The following RASSF3 variants were observed in gnomAD, a reference collection of about 807,000 sequenced individuals.
The protein encoded by RASSF3 is Ras association domain family member 3, also known as ras association domain-containing protein 3.
Under a neutral mutation model 19.9 loss-of-function variants are expected in RASSF3, and 19 were observed. The observed-to-expected ratio is 0.96, with a 90% confidence interval of 0.67 to 1.40. The LOEUF (loss-of-function observed/expected upper bound fraction) is 1.40, where lower values mean the gene tolerates loss of function less well. Among genes scored for constraint, RASSF3 ranks in the 40% most tolerant of loss-of-function variants. The probability of loss-of-function intolerance (pLI) is 0.00; values close to 1 mark genes in which losing one functional copy is unlikely to be tolerated. For missense variants in RASSF3, 306 were observed against 289.8 expected, an observed-to-expected ratio of 1.06 and a Z score of -0.41; for synonymous variants, 110 against 104.2, an observed-to-expected ratio of 1.06 and a Z score of -0.34.
At chr12:64,555,672 C>G (rs1423361114) in intron 2 of RASSF3, among the ~76,000 whole-genome samples, 1 of 151,878 alleles carries the variant, frequency 6.6e-6, no homozygotes. Context: ...TGGTGTAAAG[C>G]CAGGAGGCGG....
chr12:64,583,665 T>A (rs1381457363), intron 2 of RASSF3, among the ~76,000 whole-genome samples: 2 of 152,124 alleles, frequency 1.3e-5, no homozygotes, highest in Non-Finnish European at 2.9e-5. Context: ...GTCATCCACA[T>A]GATTTTTGCT....
At chr12:64,693,720 A>C (rs568901494) in intron 4 of RASSF3, among the ~76,000 whole-genome samples, 1 of 152,354 alleles carries the variant, frequency 6.6e-6, no homozygotes, top group African/African-American at 2.4e-5. Flanking sequence ...GGCATGAGCC[A>C]CAATGCCCAG....
chr12:64,688,220 C>G lies in RASSF3; in HGVS notation c.224C>G (p.Ser75Ter), dbSNP rs1205929598. 6.2e-7 allele frequency: 1 copy of G among 1,612,278 alleles called. No individual in the cohort carries two copies. The highest frequency in any genetic ancestry group is 1.1e-5 in the South Asian group (1 of 91,046). Residue 75 changes from serine (S) to a stop codon, truncating the protein, a stop_gained, in exon 3 of 5, where the codon TCA becomes TGA. Transcript: ENST00000542104. LOFTEE classifies it high-confidence loss of function. ...GTGCTTCTCTCCCTGCTTCAGAATT[C>G]AAATGGGATTTACACTGGCTTCATT... Reference protein sequence around the residue: ...VTDKLKMTLNSNGIYTGFIKV... With the variant: ...VTDKLKMTLN
At chr12:64,507,089 C>T in exon 1 of RASSF3, 1 of 397,794 alleles carries the variant, frequency 2.5e-6, no homozygotes, top group Non-Finnish European at 4.4e-6. Flanking sequence ...AACAGGTGGT[C>T]CCCAGACATA....
At chr12:64,601,869 G>A (rs1267603983) in intron 2 of RASSF3, among the ~76,000 whole-genome samples, 2 of 151,968 alleles carry the variant, frequency 1.3e-5, no homozygotes, top group East Asian at 1.9e-4. Context: ...TGTAATCCCC[G>A]CACTTTGGGA....
intron 2 of RASSF3, among the ~76,000 whole-genome samples, chr12:64,602,767 A>C (rs902477211): frequency 2.0e-5 from 3 of 152,128 alleles, no homozygotes; most frequent in Admixed American, 6.5e-5. Context: ...AAAGCCTCAC[A>C]ACTAAAGAAG....
chr12:64,660,958 T>C (rs891477906), intron 1 of RASSF3, among the ~76,000 whole-genome samples: 1 of 152,168 alleles, frequency 6.6e-6, no homozygotes, highest in Non-Finnish European at 1.5e-5. Context: ...AGACTTGAGC[T>C]CAGTGGTTCA....
At position 64,585,580 on chromosome 12, in the gene RASSF3, C is replaced by T. The variant is rs868338156; in HGVS notation, c.294+43875C>T. Reference sequence around the variant, plus strand: ...CCCCACTGGTTCATCTACACTGTTACTGCATTTTGCTAGGCAAGTCCTTTT... The same window carrying T: ...CCCCACTGGTTCATCTACACTGTTATTGCATTTTGCTAGGCAAGTCCTTTT... On this transcript the variant is annotated intron_variant, in intron 2 of 5. Transcript: ENST00000637125. Among the ~76,000 whole-genome samples, 8 of 149,092 alleles carry T rather than the reference C, an allele frequency of 5.4e-5. No individual in the cohort carries two copies. In the South Asian group the frequency reaches 8.5e-4, roughly 16 times the overall value.
intron 4 of RASSF3, among the ~76,000 whole-genome samples, chr12:64,691,997 A>C (rs1002960176): frequency 5.3e-5 from 8 of 152,328 alleles, no homozygotes; most frequent in African/African-American, 1.4e-4. Context: ...GGGATATAAA[A>C]GGAAATTCGA....
At chr12:64,527,026 A>G (rs542636508) in intron 1 of RASSF3, among the ~76,000 whole-genome samples, 2 of 152,372 alleles carry the variant, frequency 1.3e-5, no homozygotes, top group East Asian at 3.9e-4. Flanking sequence ...TTCTTGATTA[A>G]TTCATCTGTC....
At chr12:64,637,784 G>T (rs572470378) in intron 1 of RASSF3, among the ~76,000 whole-genome samples, 83 of 151,434 alleles carry the variant, frequency 5.5e-4, no homozygotes, top group Non-Finnish European at 1.0e-3. Flanking sequence ...TGACTGGGCT[G>T]GTTCTAAAAT....
intron 1 of RASSF3, among the ~76,000 whole-genome samples, chr12:64,516,572 TCC>T (rs1484533552): frequency 7.5e-6 from 1 of 133,734 alleles, no homozygotes; most frequent in Non-Finnish European, 1.5e-5. Flanking sequence ...TGAGCCGAGA[TCC>T]CGCCACTGCA....
At chr12:64,567,081 T>C (rs547230520) in intron 2 of RASSF3, among the ~76,000 whole-genome samples, 35 of 152,250 alleles carry the variant, frequency 2.3e-4, no homozygotes, top group Non-Finnish European at 4.4e-4. Context: ...TTTGCAACTG[T>C]TGGGGCAGAT....
chr12:64,617,625 T>A (rs1373799119), intron 1 of RASSF3, among the ~76,000 whole-genome samples: 1 of 152,202 alleles, frequency 6.6e-6, no homozygotes, highest in Non-Finnish European at 1.5e-5. Context: ...TGATGCGATC[T>A]CCACTCACCG....
chr12:64,526,761 G>C (rs1207796006), intron 1 of RASSF3, among the ~76,000 whole-genome samples: 1 of 152,132 alleles, frequency 6.6e-6, no homozygotes, highest in African/African-American at 2.4e-5. Context: ...GCACAGGCTG[G>C]TCTTGAACTC....
intron 1 of RASSF3, among the ~76,000 whole-genome samples, chr12:64,539,636 C>T (rs1315899975): frequency 6.6e-6 from 1 of 152,008 alleles, no homozygotes; most frequent in Non-Finnish European, 1.5e-5. Flanking sequence ...ATTAGGCAAG[C>T]ATGGTAGTAT....
At chr12:64,637,042 A>G (rs1185526145) in intron 1 of RASSF3, among the ~76,000 whole-genome samples, 4 of 152,148 alleles carry the variant, frequency 2.6e-5, no homozygotes, top group Non-Finnish European at 5.9e-5. Flanking sequence ...TTATATGGGG[A>G]GACCAATATA....
chr12:64,648,802 ATTT>A (rs60003798), intron 1 of RASSF3, among the ~76,000 whole-genome samples: 4 of 105,010 alleles, frequency 3.8e-5, no homozygotes, highest in Admixed American at 1.1e-4. Context: ...TTTTACATTG[ATTT>A]TTTTTTTTTT....
At chr12:64,657,459 A>C (rs960315240) in intron 1 of RASSF3, among the ~76,000 whole-genome samples, 13 of 152,250 alleles carry the variant, frequency 8.5e-5, no homozygotes, top group African/African-American at 3.1e-4. Flanking sequence ...CAATAAAGTA[A>C]ATTTTTAAAA....
Sources: allele counts gnomAD v4.1 joint callset (sites outside exome capture counted in the v4.1 genomes callset), GRCh38; gene constraint gnomAD v4.1.1; transcripts MANE v1.5; gene names NCBI Gene and HGNC (gene_info 2026-07-23, HGNC 2026-07-21).